DPH6: variants seen among roughly 807,000 people sequenced by gnomAD.
DPH6 encodes the protein diphthine--ammonia ligase.
A neutral mutation model predicts 38.2 loss-of-function variants in DPH6; 33 were observed. That is an observed-to-expected ratio of 0.86 (90% confidence interval 0.65 to 1.15). The LOEUF (loss-of-function observed/expected upper bound fraction) is 1.15. Ranked by LOEUF, DPH6 falls within the 50% of genes most tolerant of loss-of-function variation. DPH6 has a pLI of 0.00. For synonymous variants in DPH6, 108 were observed against 103.0 expected, an observed-to-expected ratio of 1.05 and a Z score of -0.30; for missense variants, 325 against 320.0, an observed-to-expected ratio of 1.02 and a Z score of -0.12.
chr15:35,177,942 C>CAA, the DPH6 span, among the ~76,000 whole-genome samples: 49 of 146,788 alleles, frequency 3.3e-4, no homozygotes, highest in East Asian at 1.2e-3. Context: ...AACTCTGCCT[C>CAA]AAAAAAAAAA....
At chr15:35,403,638 G>A (rs924123861) in intron 6 of DPH6, among the ~76,000 whole-genome samples, 1 of 151,964 alleles carries the variant, frequency 6.6e-6, no homozygotes, top group Non-Finnish European at 1.5e-5. Flanking sequence ...AGCCTCCTAA[G>A]TAGCTGGGAT....
At chr15:35,320,990 A>G (rs747403158) in intron 3 of DPH6, among the ~76,000 whole-genome samples, 2 of 152,148 alleles carry the variant, frequency 1.3e-5, no homozygotes, top group African/African-American at 4.8e-5. Flanking sequence ...AAAACCCTCA[A>G]AAGGCCAATC....
At chr15:35,494,390 TAG>T (rs2054521962) in intron 3 of DPH6, among the ~76,000 whole-genome samples, 1 of 152,120 alleles carries the variant, frequency 6.6e-6, no homozygotes, top group African/African-American at 2.4e-5. Flanking sequence ...GCAAAGTATC[TAG>T]AGGAGTCATT....
chr15:35,542,453 C>A lies in DPH6; in HGVS notation c.78G>T (p.Gln26His). 1 of 1,580,082 alleles carries A rather than the reference C, an allele frequency of 6.3e-7. No individual in the cohort carries two copies. Among genetic ancestry groups the A allele is most frequent in the Non-Finnish European group, 8.7e-7 (1 of 1,153,574 alleles). The change falls in exon 2 of 9, where the codon CAG (glutamine) becomes CAT (histidine). Residue 26 changes from glutamine (Q) to histidine (H), a missense_variant. Physicochemically the swap from Gln to His is conservative, Grantham distance 24. Coordinates refer to ENST00000256538, the MANE Select transcript of DPH6 (RefSeq NM_080650.4). Reference protein sequence around the residue: ...NMMQCIAAGHQIVALANLRPA... With the variant: ...NMMQCIAAGHHIVALANLRPA... ...GTCTTAGATTTGCTAAAGCAACGATCTGATGCCCAGCAGCAATGCACTGCA... is the reference window on the plus strand; with the variant it reads ...GTCTTAGATTTGCTAAAGCAACGATATGATGCCCAGCAGCAATGCACTGCA...
At position 35,432,081 on chromosome 15, in the gene DPH6, G is replaced by T. The variant is rs145869161; in HGVS notation, c.505+18604C>A. Among the ~76,000 whole-genome samples, 559 of 152,282 alleles carry T rather than the reference G, an allele frequency of 3.7e-3. 2 individuals are homozygous for T. The highest frequency in any genetic ancestry group is 0.012 in the African/African-American group (508 of 41,552). ...ATATGTATTCAAAGGCTCCTCAGGAGATTCTAATGTGCAGCCATGGTAGAG... is the reference window on the plus strand; with the variant it reads ...ATATGTATTCAAAGGCTCCTCAGGATATTCTAATGTGCAGCCATGGTAGAG... On this transcript the variant is annotated intron_variant, in intron 5 of 8. Transcript: ENST00000256538.
chr15:35,329,695 T>C (rs531623293), downstream of DPH6, among the ~76,000 whole-genome samples: 1 of 152,260 alleles, frequency 6.6e-6, no homozygotes, highest in African/African-American at 2.4e-5. Context: ...AAATACATTG[T>C]GGTTTCTTCA....
At chr15:35,390,259 C>T (rs1016265689) in intron 6 of DPH6, among the ~76,000 whole-genome samples, 3 of 152,204 alleles carry the variant, frequency 2.0e-5, no homozygotes, top group Non-Finnish European at 4.4e-5. Context: ...ACCTTTCTCT[C>T]TGGCTGCCCT....
intron 3 of DPH6, among the ~76,000 whole-genome samples, chr15:35,276,471 C>T (rs1393077207): frequency 6.6e-6 from 1 of 152,102 alleles, no homozygotes; most frequent in African/African-American, 2.4e-5. Flanking sequence ...GTTTTTATTG[C>T]ATTTGCTTTT....
chr15:35,446,889 G>A (rs1215974544), intron 5 of DPH6, among the ~76,000 whole-genome samples: 1 of 148,274 alleles, frequency 6.7e-6, no homozygotes, highest in African/African-American at 2.5e-5. Context: ...TTTTTCCTGA[G>A]ACGGAGTCTT....
chr15:35,347,025 A>C (rs2052467369), intron 3 of DPH6, among the ~76,000 whole-genome samples: 1 of 152,052 alleles, frequency 6.6e-6, no homozygotes, highest in Non-Finnish European at 1.5e-5. Context: ...AAAATTTACA[A>C]TCTTGAGTAT....
chr15:35,186,983 A>C, the DPH6 span, among the ~76,000 whole-genome samples: 1 of 152,244 alleles, frequency 6.6e-6, no homozygotes, highest in East Asian at 1.9e-4. Flanking sequence ...CTGTTCATTC[A>C]GTTCAATAAG....
chr15:35,159,710 T>C, the DPH6 span, among the ~76,000 whole-genome samples: 80,887 of 151,818 alleles, frequency 0.53, 24,114 homozygotes, highest in Non-Finnish European at 0.68. Context: ...ACTGCATATA[T>C]ATCCAAAGGA....
chr15:35,497,198 G>C (rs530637918), intron 3 of DPH6, among the ~76,000 whole-genome samples: 1 of 152,244 alleles, frequency 6.6e-6, no homozygotes, highest in African/African-American at 2.4e-5. Flanking sequence ...CTCACAAACA[G>C]TGCATCTCTT....
intron 3 of DPH6, among the ~76,000 whole-genome samples, chr15:35,490,991 T>C (rs181603639): frequency 6.6e-6 from 1 of 152,192 alleles, no homozygotes; most frequent in African/African-American, 2.4e-5. Context: ...GGGACTAAAC[T>C]TACCCTTTTA....
the DPH6 span, among the ~76,000 whole-genome samples, chr15:35,206,399 G>A: frequency 2.0e-4 from 30 of 152,252 alleles, no homozygotes; most frequent in African/African-American, 5.5e-4. Flanking sequence ...GAAATCTATT[G>A]AGAGTAGAAA....
chr15:35,195,584 C>T, the DPH6 span, among the ~76,000 whole-genome samples: 1 of 152,094 alleles, frequency 6.6e-6, no homozygotes, highest in Non-Finnish European at 1.5e-5. Flanking sequence ...ATAGATCCAG[C>T]TTCTTAGGAG....
chr15:35,189,466 T>G, the DPH6 span, among the ~76,000 whole-genome samples: 2 of 152,210 alleles, frequency 1.3e-5, no homozygotes, highest in Admixed American at 1.3e-4. Flanking sequence ...CTTCACCTTT[T>G]ATTTTTGCCT....
At chr15:35,527,780 T>G (rs2055027132) in intron 3 of DPH6, among the ~76,000 whole-genome samples, 1 of 152,136 alleles carries the variant, frequency 6.6e-6, no homozygotes, top group Non-Finnish European at 1.5e-5. Flanking sequence ...TAGGAGAATC[T>G]GAGAAAAGAC....
intron 6 of DPH6, among the ~76,000 whole-genome samples, chr15:35,384,385 A>G (rs1397706881): frequency 6.6e-6 from 1 of 152,212 alleles, no homozygotes; most frequent in Non-Finnish European, 1.5e-5. Context: ...TTATTCTTAT[A>G]CAGATGTATT....
Sources: gnomAD v4.1 joint callset for allele counts (sites outside exome capture counted in the v4.1 genomes callset) on GRCh38, gnomAD v4.1.1 for gene constraint, MANE v1.5 for transcripts, NCBI Gene and HGNC (gene_info 2026-07-23, HGNC 2026-07-21) for gene names.